AUTS2: variants seen among roughly 807,000 people sequenced by gnomAD.
The protein encoded by AUTS2 is autism susceptibility gene 2 protein.
In AUTS2, 17 loss-of-function variants were observed where a neutral mutation model predicts 112.4. That is an observed-to-expected ratio of 0.15 (90% CI 0.10 to 0.23). The LOEUF is 0.23. Among genes scored for constraint, AUTS2 ranks in the 10% least tolerant of loss-of-function variants. The pLI, the probability that AUTS2 is intolerant of heterozygous loss-of-function variation, is 1.00. For synonymous variants in AUTS2, 751 were observed against 702.7 expected (o/e 1.07, Z -1.09); for missense variants, 1,510 against 1,701.6 (o/e 0.89, Z 1.98).
chr7:70,418,903 G>A (rs1434742142), intron 4 of AUTS2, among the ~76,000 whole-genome samples: 2 of 150,094 alleles, frequency 1.3e-5, no homozygotes, highest in Non-Finnish European at 3.0e-5. Context: ...AAGTAATATT[G>A]TATATATAAC....
At chr7:70,538,857 T>C (rs1488555436) in intron 5 of AUTS2, among the ~76,000 whole-genome samples, 1 of 152,232 alleles carries the variant, frequency 6.6e-6, no homozygotes, top group African/African-American at 2.4e-5. Flanking sequence ...ATATATTCTT[T>C]CCTTCATCAA....
intron 4 of AUTS2, among the ~76,000 whole-genome samples, chr7:70,161,017 C>G (rs996127272): frequency 5.3e-5 from 8 of 152,154 alleles, no homozygotes; most frequent in Non-Finnish European, 1.0e-4. Flanking sequence ...TATAATGATG[C>G]TGAAACTAAT....
At chr7:70,091,202 C>T (rs1279616795) in intron 2 of AUTS2, among the ~76,000 whole-genome samples, 1 of 152,084 alleles carries the variant, frequency 6.6e-6, no homozygotes, top group South Asian at 2.1e-4. Context: ...TAATCTTTAA[C>T]CTCTGTATAT....
intron 4 of AUTS2, among the ~76,000 whole-genome samples, chr7:70,310,426 T>G (rs529620023): frequency 6.6e-6 from 1 of 152,102 alleles, no homozygotes; most frequent in Admixed American, 6.6e-5. Flanking sequence ...CTGGCTAACA[T>G]GGTGAAACCC....
chr7:70,715,507 TTTTTC>T (rs138855602), intron 6 of AUTS2, among the ~76,000 whole-genome samples: 108,079 of 145,302 alleles, frequency 0.74, 40,333 homozygotes, highest in East Asian at 0.92. Context: ...TGCCTGTCTT[TTTTTC>T]TTTTCTTTTC....
chr7:70,497,028 C>CA (rs1798572265), intron 5 of AUTS2, among the ~76,000 whole-genome samples: 2 of 115,786 alleles, frequency 1.7e-5, no homozygotes, highest in Non-Finnish European at 3.6e-5. Context: ...CACACACACA[C>CA]CCCACACATG....
intron 5 of AUTS2, among the ~76,000 whole-genome samples, chr7:70,668,976 A>AG (rs1484000155): frequency 6.6e-6 from 1 of 152,230 alleles, no homozygotes; most frequent in East Asian, 1.9e-4. Context: ...AGGCGAAGAG[A>AG]GAAAAAGGAG....
At chr7:69,911,258 C>G (rs1464320042) in intron 2 of AUTS2, among the ~76,000 whole-genome samples, 1 of 152,134 alleles carries the variant, frequency 6.6e-6, no homozygotes, top group South Asian at 2.1e-4. Flanking sequence ...TGTGGGCACC[C>G]CTGTCTGGAT....
At chr7:70,622,531 A>C (rs764050361) in intron 5 of AUTS2, among the ~76,000 whole-genome samples, 10 of 152,112 alleles carry the variant, frequency 6.6e-5, no homozygotes, top group Non-Finnish European at 1.5e-4. Flanking sequence ...AACTTCCTCC[A>C]GTTGGATCAC....
At chr7:69,972,186 C>G (rs1797876957) in intron 2 of AUTS2, among the ~76,000 whole-genome samples, 1 of 152,138 alleles carries the variant, frequency 6.6e-6, no homozygotes, top group African/African-American at 2.4e-5. Flanking sequence ...TTGCGTTTCC[C>G]TAATGGCTAA....
intron 4 of AUTS2, among the ~76,000 whole-genome samples, chr7:70,302,035 G>A (rs1789243213): frequency 6.6e-6 from 1 of 151,974 alleles, no homozygotes; most frequent in African/African-American, 2.4e-5. Context: ...ACCGCACCCA[G>A]CTGACATTTT....
chr7:70,249,762 G>C (rs1423003467), intron 4 of AUTS2, among the ~76,000 whole-genome samples: 2 of 151,844 alleles, frequency 1.3e-5, no homozygotes, highest in Non-Finnish European at 2.9e-5. Context: ...AAGTGGATTA[G>C]ATACATGCAG....
chr7:69,631,198 T>C lies in AUTS2; in HGVS notation c.309+31236T>C, dbSNP rs185002779. ...CACTTTTTTTTTTTTGTTTTAAGCTTTCATCAGATTCTCCAAGGGGTCAGT... is the reference window on the plus strand; with the variant it reads ...CACTTTTTTTTTTTTGTTTTAAGCTCTCATCAGATTCTCCAAGGGGTCAGT... On this transcript the variant is annotated intron_variant, in intron 1 of 18. Transcript: ENST00000342771. Among the ~76,000 whole-genome samples, 694 of 152,180 alleles carry C rather than the reference T, an allele frequency of 4.6e-3. 9 individuals are homozygous for C. Among genetic ancestry groups the C allele is most frequent in the Admixed American group, 0.027 (415 of 15,282 alleles).
intron 1 of AUTS2, among the ~76,000 whole-genome samples, chr7:69,765,460 G>A (rs1788378491): frequency 6.6e-6 from 1 of 151,980 alleles, no homozygotes; most frequent in Non-Finnish European, 1.5e-5. Flanking sequence ...AAAGAGTTAG[G>A]TTTTTTAAAA....
intron 5 of AUTS2, among the ~76,000 whole-genome samples, chr7:70,481,833 A>G (rs1416506856): frequency 1.3e-5 from 2 of 152,174 alleles, no homozygotes; most frequent in African/African-American, 4.8e-5. Flanking sequence ...GGTCTGAAAA[A>G]TCATTAAAGC....
intron 1 of AUTS2, among the ~76,000 whole-genome samples, chr7:69,797,981 C>T (rs1296186162): frequency 2.0e-5 from 3 of 151,970 alleles, no homozygotes; most frequent in Admixed American, 6.6e-5. Flanking sequence ...TGCTACTGGG[C>T]ACCTGGGACT....
intron 3 of AUTS2, among the ~76,000 whole-genome samples, chr7:70,121,488 AT>A (rs1204460292): frequency 6.6e-6 from 1 of 152,214 alleles, no homozygotes; most frequent in Non-Finnish European, 1.5e-5. Context: ...CAACTCAATA[AT>A]AAAAAGATAA....
At chr7:70,124,144 A>G (rs1371289468) in intron 3 of AUTS2, among the ~76,000 whole-genome samples, 1 of 152,116 alleles carries the variant, frequency 6.6e-6, no homozygotes, top group East Asian at 1.9e-4. Context: ...TTGGCTGCAT[A>G]TATGTCTTCT....
At chr7:70,598,363 C>G (rs573283845) in intron 5 of AUTS2, among the ~76,000 whole-genome samples, 1 of 152,314 alleles carries the variant, frequency 6.6e-6, no homozygotes, top group African/African-American at 2.4e-5. Context: ...CAAGGCACAG[C>G]AGACATTCAC....
Sources: gnomAD v4.1 joint callset for allele counts (sites outside exome capture counted in the v4.1 genomes callset) on GRCh38, gnomAD v4.1.1 for gene constraint, MANE v1.5 for transcripts, NCBI Gene and HGNC (gene_info 2026-07-23, HGNC 2026-07-21) for gene names.